The following RORA variants were observed in gnomAD, a reference collection of about 807,000 sequenced individuals.
RORA encodes the protein nuclear receptor ROR-alpha.
RORA carries 7 observed loss-of-function variants against 69.5 expected under a neutral mutation model. The observed-to-expected ratio is 0.10, with a 90% CI of 0.06 to 0.19. RORA has a LOEUF of 0.19. Ranked by LOEUF, RORA falls within the 10% of genes least tolerant of loss-of-function variation. RORA has a pLI of 1.00. For synonymous variants in RORA, 261 were observed against 240.8 expected, an observed-to-expected ratio of 1.08 and a Z score of -0.78; for missense variants, 457 against 663.0, an observed-to-expected ratio of 0.69 and a Z score of 3.41.
chr15:60,728,278 T>C lies in RORA; in HGVS notation c.167-49592A>G, dbSNP rs190732721. ...ATACTTTTTTGCTTTGTAAACAGAA[T>C]CCATAACCAAGAGACAAATATTCTC... On this transcript the variant is annotated intron_variant, in intron 1 of 10. Coordinates refer to ENST00000335670, the MANE Select transcript of RORA (RefSeq NM_134261.3). Among the ~76,000 whole-genome samples the C allele has an allele frequency of 2.6e-5, 4 of 152,276 alleles. No homozygotes were observed. The East Asian group carries it at 7.7e-4, about 29-fold the overall frequency.
At chr15:60,598,803 C>G (rs998590806) in intron 2 of RORA, among the ~76,000 whole-genome samples, 1 of 152,144 alleles carries the variant, frequency 6.6e-6, no homozygotes, top group East Asian at 1.9e-4. Context: ...ATTGAGGACA[C>G]AAAGATGGAT....
intron 1 of RORA, among the ~76,000 whole-genome samples, chr15:60,817,923 C>A (rs1225555639): frequency 2.0e-5 from 3 of 152,212 alleles, no homozygotes; most frequent in South Asian, 2.1e-4. Context: ...ATACAGTTTT[C>A]TTTTCTCTCT....
intron 1 of RORA, among the ~76,000 whole-genome samples, chr15:60,732,870 C>T (rs2071447268): frequency 6.6e-6 from 1 of 151,908 alleles, no homozygotes; most frequent in African/African-American, 2.4e-5. Flanking sequence ...ATCCTGTTAT[C>T]ACCCTTCAGA....
chr15:61,132,077 T>C (rs2140845024), intron 1 of RORA, among the ~76,000 whole-genome samples: 1 of 152,304 alleles, frequency 6.6e-6, no homozygotes, highest in Middle Eastern at 3.4e-3. Flanking sequence ...TGCATTCAAG[T>C]CTTTTAAAAA....
intron 1 of RORA, among the ~76,000 whole-genome samples, chr15:60,910,742 A>G (rs995813991): frequency 1.3e-5 from 2 of 152,136 alleles, no homozygotes; most frequent in Non-Finnish European, 2.9e-5. Flanking sequence ...GATACATGCA[A>G]AATGCTTTTA....
chr15:60,829,664 G>A (rs942940199), intron 1 of RORA, among the ~76,000 whole-genome samples: 21 of 152,294 alleles, frequency 1.4e-4, no homozygotes, highest in African/African-American at 4.1e-4. Context: ...GAAGCAATCC[G>A]CTGAAAGGGT....
At chr15:60,503,435 GAA>G in intron 7 of RORA, 98 bp downstream of exon 7, 1 of 1,220,702 alleles carries the variant, frequency 8.2e-7, no homozygotes. Flanking sequence ...TATCATTGGA[GAA>G]AAACTGTTCC....
chr15:60,919,051 G>A (rs948459997), intron 1 of RORA, among the ~76,000 whole-genome samples: 7 of 152,172 alleles, frequency 4.6e-5, no homozygotes, highest in African/African-American at 1.4e-4. Context: ...GAAAAGACAT[G>A]CGGCTTATAT....
intron 1 of RORA, among the ~76,000 whole-genome samples, chr15:60,904,693 T>G (rs1891482488): frequency 1.3e-5 from 2 of 152,142 alleles, no homozygotes; most frequent in African/African-American, 4.8e-5. Context: ...CTCAAACTAC[T>G]CTATTCAAAC....
intron 1 of RORA, among the ~76,000 whole-genome samples, chr15:60,759,001 A>G (rs1302809213): frequency 6.6e-6 from 1 of 152,210 alleles, no homozygotes; most frequent in Admixed American, 6.5e-5. Flanking sequence ...TGAGGCTCAA[A>G]CCGTTCTTCA....
chr15:60,600,381 A>G lies in RORA; in HGVS notation c.197-68530T>C, dbSNP rs544361315. On this transcript the variant is annotated intron_variant, in intron 2 of 10. Transcript: ENST00000335670. The stretch of plus-strand genomic sequence containing the variant: ...TTCTGCATTATGAAATACTCATTTT[A>G]TAACTATTGACATTTCAGACAGTTG... Among the ~76,000 whole-genome samples the G allele has an allele frequency of 6.6e-5, 10 of 152,340 alleles. No individual in the cohort carries two copies. The South Asian group carries it at 1.4e-3, about 22-fold the overall frequency.
chr15:60,693,346 C>T (rs1445247605), intron 1 of RORA, among the ~76,000 whole-genome samples: 3 of 152,200 alleles, frequency 2.0e-5, no homozygotes, highest in Non-Finnish European at 4.4e-5. Context: ...CAATATCATG[C>T]TGAATGGGCA....
At chr15:61,146,219 GC>G (rs1273722717) in intron 1 of RORA, among the ~76,000 whole-genome samples, 3 of 152,072 alleles carry the variant, frequency 2.0e-5, no homozygotes, top group Non-Finnish European at 4.4e-5. Flanking sequence ...AGATGCTATT[GC>G]TTCTGCTCCA....
chr15:60,816,754 A>G (rs922298390), intron 1 of RORA, among the ~76,000 whole-genome samples: 4 of 151,826 alleles, frequency 2.6e-5, no homozygotes, highest in African/African-American at 9.7e-5. Context: ...AAAATAAAAT[A>G]AAATAAAGTG....
intron 1 of RORA, among the ~76,000 whole-genome samples, chr15:61,054,807 TTTTTG>T (rs2078068259): frequency 7.0e-6 from 1 of 142,352 alleles, no homozygotes; most frequent in African/African-American, 2.7e-5. Flanking sequence ...AAACAGTTTT[TTTTTG>T]TTTTTTGTTT....
At position 61,067,114 on chromosome 15, in the gene RORA, C is replaced by CTT. The variant is rs772963614; in HGVS notation, c.166+161937_166+161938dup. ...GTATGCATTAGTCTAAACTTTTTTT[C>CTT]TTTTTTTTTTTTTTTGAGACAGAGT... On this transcript the variant is annotated intron_variant, in intron 1 of 10. Transcript: ENST00000335670. Among the ~76,000 whole-genome samples the CTT allele has an allele frequency of 2.1e-4, 29 of 138,436 alleles. 1 individual carries two copies. In the South Asian group the frequency reaches 4.8e-3, roughly 23 times the overall value. The allele number at this position is 138,436 out of a possible 152,430, so 90.8% of individuals were successfully genotyped here. A position where few individuals can be genotyped will look rare whatever the true frequency, so the allele number is the denominator to read the frequency against.
At chr15:61,037,307 A>C (rs1595902651) in intron 1 of RORA, among the ~76,000 whole-genome samples, 1 of 152,362 alleles carries the variant, frequency 6.6e-6, no homozygotes, top group African/African-American at 2.4e-5. Context: ...ATTTGGGTAG[A>C]GGAAGTACGC....
chr15:61,192,296 C>T (rs1179344491), intron 1 of RORA, among the ~76,000 whole-genome samples: 1 of 152,208 alleles, frequency 6.6e-6, no homozygotes, highest in African/African-American at 2.4e-5. Flanking sequence ...ACATGTTGTA[C>T]TGGCTTATGC....
intron 1 of RORA, among the ~76,000 whole-genome samples, chr15:60,883,080 G>T (rs1407937350): frequency 1.6e-5 from 2 of 125,438 alleles, no homozygotes; most frequent in African/African-American, 3.1e-5. Flanking sequence ...GCAGTGAGCC[G>T]AGATCAAGCC....
Sources: gnomAD v4.1 joint callset for allele counts (sites outside exome capture counted in the v4.1 genomes callset) on GRCh38, gnomAD v4.1.1 for gene constraint, MANE v1.5 for transcripts, NCBI Gene and HGNC (gene_info 2026-07-23, HGNC 2026-07-21) for gene names.